The following NAGPA variants were observed in gnomAD, a reference collection of about 807,000 sequenced individuals.
NAGPA encodes alpha-N-acetylglucosaminyl phosphodiesterase.
Under a neutral mutation model 48.5 loss-of-function variants are expected in NAGPA, and 56 were observed. That is an observed-to-expected ratio of 1.15 (90% confidence interval 0.93 to 1.44). The LOEUF (loss-of-function observed/expected upper bound fraction) is 1.44, where lower values mean the gene tolerates loss of function less well. Ranked by LOEUF, NAGPA falls within the 40% of genes most tolerant of loss-of-function variation. NAGPA has a pLI of 0.00. For synonymous variants in NAGPA, 399 were observed against 315.5 expected (o/e 1.26, Z -2.81); for missense variants, 888 against 735.0 (o/e 1.21, Z -2.41).
At chr16:5,028,317 A>G (rs1956040916) in intron 5 of NAGPA, 132 bp from the exon 6 acceptor site, 3 of 1,506,858 alleles carry the variant, frequency 2.0e-6, no homozygotes, top group East Asian at 2.5e-5. Flanking sequence ...GCGTCTATCT[A>G]TTTTTGAGAT....
intron 2 of NAGPA, 46 bp from the exon 3 acceptor site, chr16:5,031,930 T>C (rs1455866046): frequency 6.2e-7 from 1 of 1,613,190 alleles, no homozygotes; most frequent in Admixed American, 1.7e-5. Flanking sequence ...CAGGGGCAAC[T>C]GCAGATAGTC....
At chr16:5,029,649 GC>G (rs1195029145) in intron 4 of NAGPA, 1 of 161,980 alleles carries the variant, frequency 6.2e-6, no homozygotes, top group Non-Finnish European at 1.4e-5. Flanking sequence ...TTAGCCAGGT[GC>G]GGTGACTCAC....
intron 3 of NAGPA, chr16:5,030,972 C>T (rs890422090): frequency 6.6e-5 from 15 of 227,294 alleles, no homozygotes; most frequent in African/African-American, 9.2e-5. Flanking sequence ...CTGTGTTGCC[C>T]GGGCTGGAGT....
chr16:5,033,647 G>T lies in NAGPA; in HGVS notation c.168C>A (p.Ala56=). 6.5e-7 allele frequency: 1 copy of T among 1,540,524 alleles called. No individual in the cohort carries two copies. Among genetic ancestry groups the T allele is most frequent in the Non-Finnish European group, 8.7e-7 (1 of 1,154,562 alleles). Residue 56 remains alanine (A), a synonymous_variant, in exon 2 of 10, where the codon GCC becomes GCA. Transcript: ENST00000312251. The surrounding 1 kb of genome is among the most constrained non-coding windows in gnomAD (Gnocchi z 4.2). Reference sequence around the variant, plus strand: ...GCCAACTCTCGTGCTCGCGGTTGCCGGCGCGCACCCGTGTGCAGTCCCGGG... The same window carrying T: ...GCCAACTCTCGTGCTCGCGGTTGCCTGCGCGCACCCGTGTGCAGTCCCGGG... ...RLPRDCTRVR[A]GNREHESWPP...
At chr16:5,027,710 T>C (rs1257277426) in intron 7 of NAGPA, 136 bp downstream of exon 7, 4 of 1,298,294 alleles carry the variant, frequency 3.1e-6, no homozygotes, top group Non-Finnish European at 4.3e-6. Flanking sequence ...CACAGTGATG[T>C]GCAGGTGAGG....
intron 5 of NAGPA, 185 bp from the exon 6 acceptor site, chr16:5,028,370 A>C: frequency 8.5e-7 from 1 of 1,178,470 alleles, no homozygotes. Context: ...GAGCAGCTGT[A>C]ACCGTAAGGT....
intron 5 of NAGPA, chr16:5,028,448 T>G: frequency 1.4e-6 from 1 of 728,234 alleles, no homozygotes; most frequent in Non-Finnish European, 2.4e-6. Flanking sequence ...TTGCCCACAC[T>G]GGTCTTAAAC....
In NAGPA at chr16:5,033,167, G is replaced by A; in HGVS notation, c.542+106C>T. 7.6e-7 allele frequency: 1 copy of A among 1,323,796 alleles called. No individual in the cohort carries two copies. Among genetic ancestry groups the A allele is most frequent in the Non-Finnish European group, 1.0e-6 (1 of 956,624 alleles). The allele number at this position is 1,323,796 out of a possible 1,614,324, so 82.0% of individuals were successfully genotyped here. A position where few individuals can be genotyped will look rare whatever the true frequency, so the allele number is the denominator to read the frequency against. ...TTCCTATCCCCATTCTGCAGAGGAG[G>A]AAACAGGGGCTCAGCTTGGTTAAGT... is the stretch of plus-strand genomic sequence containing the variant. On this transcript the variant is annotated intron_variant, in intron 2 of 9. Transcript: ENST00000312251. The surrounding 1 kb of genome is among the most constrained non-coding windows in gnomAD (Gnocchi z 4.2).
In NAGPA at chr16:5,028,038, G is replaced by T. The variant is rs759199479; in HGVS notation, c.1068C>A (p.Gly356=). 2 of 1,610,426 alleles carry T rather than the reference G, an allele frequency of 1.2e-6. No homozygotes were observed. Among genetic ancestry groups the T allele is most frequent in the South Asian group, 1.1e-5 (1 of 90,946 alleles). Residue 356 remains glycine (G), a synonymous_variant, in exon 6 of 10, where the codon GGC becomes GGA. Transcript: ENST00000312251. ...QCTGHFWRGP[G]CDELDCGPSN... is the part of the protein sequence containing the mutation. ...AGGGGCCACAGTCCAGCTCATCACA[G>T]CCGGGACCCCGCCAGAAGTGCCCGG...
chr16:5,033,421 A>G lies in NAGPA; in HGVS notation c.394T>C (p.Cys132Arg), dbSNP rs773180648. 1.1e-4 allele frequency: 169 copies of G among 1,595,586 alleles called. No individual in the cohort carries two copies. Among genetic ancestry groups the G allele is most frequent in the Admixed American group, 1.8e-4 (11 of 59,876 alleles). The change falls in exon 2 of 10, where the codon TGC (cysteine) becomes CGC (arginine). Residue 132 changes from cysteine (C) to arginine (R), a missense_variant. Physicochemically the swap from Cys to Arg is radical, Grantham distance 180. Coordinates refer to ENST00000312251, the MANE Select transcript of NAGPA (RefSeq NM_016256.4). This position sits in a 1 kb window ranked among gnomAD's most constrained non-coding sequence, Gnocchi z 4.2. ...AAGCCGCCGTTCTGGGCGACACGGC[A>G]GTCGGCCGCCCGCGCCGTCTCCTCC... ...TVEETARAAD[C>R]RVAQNGGFFR... is the part of the protein sequence containing the mutation.
At position 5,033,280 on chromosome 16, in the gene NAGPA, C is replaced by G; in HGVS notation, c.535G>C (p.Val179Leu). Residue 179 changes from valine (V) to leucine (L), a missense_variant, in exon 2 of 10, where the codon GTC (valine) becomes CTC (leucine). Coordinates refer to ENST00000312251, the MANE Select transcript of NAGPA (RefSeq NM_016256.4). The surrounding 1 kb of genome is among the most constrained non-coding windows in gnomAD (Gnocchi z 4.2). Reference sequence around the variant, plus strand: ...GGCTCCCTGCCTCCTCACCCGGTGACCAGGGTCCCGTCGCGGCGGATCCCG... The same window carrying G: ...GGCTCCCTGCCTCCTCACCCGGTGAGCAGGGTCCCGTCGCGGCGGATCCCG... ...QFGIRRDGTL[V>L]TGYLSEEEVL... The G allele has an allele frequency of 6.3e-7, 1 of 1,593,576 alleles. No individual in the cohort carries two copies. Among genetic ancestry groups the G allele is most frequent in the Non-Finnish European group, 8.5e-7 (1 of 1,178,092 alleles).
chr16:5,030,727 GT>G, intron 3 of NAGPA: 1 of 582,456 alleles, frequency 1.7e-6, no homozygotes, highest in Non-Finnish European at 3.1e-6. Flanking sequence ...CCCTCTAATG[GT>G]TTCCCCTGTT....
Position 5,027,969 on chromosome 16 carries a change from CCCCCACTCACT to C in NAGPA, c.1126_1126+10del. On this transcript the variant is annotated splice_donor_variant and splice_donor_5th_base_variant and coding_sequence_variant and intron_variant, in exon 6 of 10. Coordinates refer to ENST00000312251, the MANE Select transcript of NAGPA (RefSeq NM_016256.4). LOFTEE classifies it high-confidence loss of function. ...GCTGGGCAGAGCCCCCTCCCCAGAA[CCCCCACTCACT>C]CTCCGTGCACAGTCCGTGCTGGCTG... The C allele has an allele frequency of 1.2e-6, 2 of 1,612,302 alleles. No homozygotes were observed. The highest frequency in any genetic ancestry group is 1.7e-6 in the Non-Finnish European group (2 of 1,179,430).
Position 5,033,399 on chromosome 16 carries a change from C to A in NAGPA, c.416G>T (p.Gly139Val), listed in dbSNP as rs757835068. ...AADCRVAQNG[G>V]FFRMNSGECL... The stretch of plus-strand genomic sequence containing the variant: ...CTCGCCCGAGTTCATGCGGAAGAAG[C>A]CGCCGTTCTGGGCGACACGGCAGTC... Residue 139 changes from glycine (G) to valine (V), a missense_variant, in exon 2 of 10, where the codon GGC (glycine) becomes GTC (valine). Transcript: ENST00000312251. This position sits in a 1 kb window ranked among gnomAD's most constrained non-coding sequence, Gnocchi z 4.2. 10 of 1,596,916 alleles carry A rather than the reference C, an allele frequency of 6.3e-6. No homozygotes were observed. In the Admixed American group the frequency reaches 1.2e-4, roughly 19 times the overall value.
At chr16:5,030,297 G>T in intron 4 of NAGPA, 88 bp downstream of exon 4, 8 of 1,224,156 alleles carry the variant, frequency 6.5e-6, no homozygotes, top group Non-Finnish European at 9.4e-6. Context: ...CAGAAAGCAG[G>T]TAGAGTCAGA....
In NAGPA at chr16:5,031,758, C is replaced by G. The variant is rs1328745834; in HGVS notation, c.669G>C (p.Glu223Asp). Residue 223 changes from glutamate to aspartate, a missense_variant, in exon 3 of 10, where the codon GAG (glutamate) becomes GAC (aspartate). Coordinates refer to ENST00000312251, the MANE Select transcript of NAGPA (RefSeq NM_016256.4). ...INESQATECD[E>D]TQETGSFSKF... ...TCCCCATCCAACCTGTCTCCTGTGT[C>G]TCGTCACACTCTGTGGCTTGGCTCT... 2 of 1,614,154 alleles carry G rather than the reference C, an allele frequency of 1.2e-6. No individual in the cohort carries two copies. The highest frequency in any genetic ancestry group is 1.7e-5 in the Admixed American group (1 of 60,004).
In NAGPA at chr16:5,027,186, A is replaced by G. The variant is rs773607591; in HGVS notation, c.1289T>C (p.Leu430Pro). The change falls in exon 9 of 10, where the codon CTC becomes CCC. Residue 430 changes from leucine (L) to proline (P), a missense_variant. Physicochemically the swap from Leu to Pro is moderately conservative, Grantham distance 98. Transcript: ENST00000312251. ...NCSVSRVKQC[L>P]QPPEATLRAG... ...CCTCAGGGTGGCTTCAGGTGGCTGG[A>G]GACACTGCTTTACTGTAACATACCA... 1.2e-6 allele frequency: 2 copies of G among 1,614,244 alleles called. No individual in the cohort carries two copies. The highest frequency in any genetic ancestry group is 1.7e-6 in the Non-Finnish European group (2 of 1,180,040).
rs367546638 is a variant in NAGPA at position 5,027,874 on chromosome 16, G to A, written c.1146C>T (p.Ala382=). Residue 382 remains alanine (A), a synonymous_variant, in exon 7 of 10, where the codon GCC becomes GCT. Transcript: ENST00000312251. ...LCTETGCRCD[A]GWTGSNCSEE... ...CACTGCAGTTGGACCCGGTCCATCC[G>A]GCATCACAGCGGCAGCCGGCTGCCG... 1.0e-3 allele frequency: 1,595 copies of A among 1,581,692 alleles called. 3 individuals carry two copies. The highest frequency in any genetic ancestry group is 1.3e-3 in the Non-Finnish European group (1,502 of 1,163,772).
chr16:5,029,496 A>T, intron 4 of NAGPA: 1 of 229,172 alleles, frequency 4.4e-6, no homozygotes, highest in Non-Finnish European at 8.8e-6. Context: ...CAACCTAAAC[A>T]AGAGGATTCT....
Sources: gnomAD v4.1 joint callset for allele counts on GRCh38, gnomAD v4.1.1 for gene constraint, Gnocchi (gnomAD v3.1) non-coding constraint, MANE v1.5 for transcripts, NCBI Gene and HGNC (gene_info 2026-07-23, HGNC 2026-07-21) for gene names.